Variants in ASIC2 observed in about 807,000 individuals in gnomAD.
ASIC2 encodes acid sensing ion channel subunit 2.
In ASIC2, 25 loss-of-function variants were observed where a neutral mutation model predicts 57.3. The observed-to-expected ratio is 0.44, with a 90% confidence interval of 0.32 to 0.61. The LOEUF (loss-of-function observed/expected upper bound fraction) is 0.61. Among genes scored for constraint, ASIC2 ranks in the 20% least tolerant of loss-of-function variants. The probability of loss-of-function intolerance (pLI) is 0.06; values close to 1 mark genes in which losing one functional copy is unlikely to be tolerated. For missense variants in ASIC2, 641 were observed against 738.1 expected (o/e 0.87, Z 1.52); for synonymous variants, 319 against 307.5 (o/e 1.04, Z -0.39).
At chr17:34,052,102 C>CTCAT (rs1167242121) in intron 1 of ASIC2, among the ~76,000 whole-genome samples, 3 of 152,220 alleles carry the variant, frequency 2.0e-5, no homozygotes, top group Non-Finnish European at 2.9e-5. Context: ...CATCCATCCA[C>CTCAT]TCATTCATTC....
chr17:33,295,524 A>G (rs1049748998), upstream of ASIC2, among the ~76,000 whole-genome samples: 1 of 152,190 alleles, frequency 6.6e-6, no homozygotes, highest in East Asian at 1.9e-4. Context: ...TCTCCCAGAC[A>G]AACTTGGGTC....
chr17:33,093,428 AAGAGAGAG>A (rs58579661), intron 2 of ASIC2, among the ~76,000 whole-genome samples: 4 of 149,032 alleles, frequency 2.7e-5, no homozygotes, highest in Non-Finnish European at 4.5e-5. Flanking sequence ...CAAGGACAGA[AAGAGAGAG>A]AGAGAGAGAG....
chr17:33,551,822 T>C (rs929184782), intron 1 of ASIC2, among the ~76,000 whole-genome samples: 1 of 152,226 alleles, frequency 6.6e-6, no homozygotes, highest in Non-Finnish European at 1.5e-5. Flanking sequence ...GCAGGTGCGA[T>C]GCCACTCACC....
chr17:34,139,479 A>T (rs2142135013), intron 1 of ASIC2, among the ~76,000 whole-genome samples: 1 of 152,350 alleles, frequency 6.6e-6, no homozygotes, highest in Non-Finnish European at 1.5e-5. Flanking sequence ...AAATGACTCA[A>T]ATGCCCACTA....
At chr17:33,072,987 T>C (rs930287662) in intron 3 of ASIC2, among the ~76,000 whole-genome samples, 3 of 152,228 alleles carry the variant, frequency 2.0e-5, no homozygotes, top group African/African-American at 7.2e-5. Flanking sequence ...CACAATGCTG[T>C]ATTTTTCTGA....
At chr17:33,958,288 C>T (rs1904806378) in intron 1 of ASIC2, among the ~76,000 whole-genome samples, 1 of 152,210 alleles carries the variant, frequency 6.6e-6, no homozygotes, top group Admixed American at 6.5e-5. Context: ...TGGTCCTCTT[C>T]TCACAGCTCC....
intron 1 of ASIC2, chr17:33,112,893 C>A (rs1002430967): frequency 6.6e-6 from 1 of 151,680 alleles, no homozygotes. Context: ...GATCCCTACG[C>A]TCTTTAGGCT....
At chr17:33,436,328 C>G (rs531706272) in intron 1 of ASIC2, among the ~76,000 whole-genome samples, 3 of 152,216 alleles carry the variant, frequency 2.0e-5, no homozygotes, top group African/African-American at 7.2e-5. Flanking sequence ...TAAACTCTTG[C>G]TGCTCAGGAG....
In ASIC2 at chr17:33,293,136, GA is replaced by G; in HGVS notation, c.-1022del. On this transcript the variant is annotated 5_prime_UTR_variant, in exon 1 of 10. Coordinates refer to ENST00000225823, the MANE Select transcript of ASIC2 (RefSeq NM_183377.2). ...GCTCCGCGCGCCCTTCTCCTCTCGA[GA>G]CTCCGAGCTCGCGGTGGCCGTGACG... 1.4e-6 allele frequency: 1 copy of G among 739,324 alleles called. No individual in the cohort carries two copies. Among genetic ancestry groups the G allele is most frequent in the African/African-American group, 1.9e-5 (1 of 52,330 alleles). 45.8% of individuals were successfully genotyped at this position (739,324 alleles called of 1,614,324 possible). A position where few individuals can be genotyped will look rare whatever the true frequency, so the allele number is the denominator to read the frequency against.
chr17:33,266,897 G>A (rs1343515811), intron 1 of ASIC2, among the ~76,000 whole-genome samples: 2 of 152,170 alleles, frequency 1.3e-5, no homozygotes, highest in Non-Finnish European at 2.9e-5. Flanking sequence ...GCAGAGTGAG[G>A]TGGGGTGCTT....
At chr17:33,230,799 G>T (rs759969003) in intron 1 of ASIC2, among the ~76,000 whole-genome samples, 9 of 152,184 alleles carry the variant, frequency 5.9e-5, no homozygotes, top group Non-Finnish European at 1.0e-4. Context: ...TTCCAAGGAG[G>T]CAGGCCCATC....
intron 1 of ASIC2, among the ~76,000 whole-genome samples, chr17:33,632,273 G>A (rs1906198640): frequency 6.6e-6 from 1 of 152,166 alleles, no homozygotes. Flanking sequence ...TCTAATGTTA[G>A]TGAAATAATT....
At chr17:33,274,242 C>T (rs190821473) in intron 1 of ASIC2, among the ~76,000 whole-genome samples, 9 of 152,334 alleles carry the variant, frequency 5.9e-5, no homozygotes, top group African/African-American at 2.2e-4. Flanking sequence ...AACCAGGCAG[C>T]ATTGTGAAAC....
intron 4 of ASIC2, 47 bp from the exon 5 acceptor site, chr17:33,026,029 A>T: frequency 6.2e-7 from 1 of 1,600,636 alleles, no homozygotes; most frequent in South Asian, 1.1e-5. Context: ...AGGAACATTC[A>T]TGTCAGCAAC....
At chr17:33,884,921 C>A (rs149806194) in intron 1 of ASIC2, among the ~76,000 whole-genome samples, 1 of 152,082 alleles carries the variant, frequency 6.6e-6, no homozygotes, top group Non-Finnish European at 1.5e-5. Context: ...TGGGGAGTTC[C>A]GACAAAGTGT....
chr17:33,799,447 T>TTTC (rs1555562534), intron 1 of ASIC2, among the ~76,000 whole-genome samples: 881 of 87,762 alleles, frequency 0.01, 3 homozygotes, highest in Non-Finnish European at 0.012. Flanking sequence ...TCTTTCTTTC[T>TTTC]TTCTTTCTTT....
intron 1 of ASIC2, among the ~76,000 whole-genome samples, chr17:33,113,452 C>G (rs2092267888): frequency 6.6e-6 from 1 of 152,196 alleles, no homozygotes; most frequent in Non-Finnish European, 1.5e-5. Context: ...GAGAGCCAGG[C>G]TGACTGTATT....
chr17:33,322,344 G>A (rs943610072), intron 1 of ASIC2, among the ~76,000 whole-genome samples: 6 of 152,118 alleles, frequency 3.9e-5, no homozygotes, highest in South Asian at 2.1e-4. Flanking sequence ...AAATCCAGCC[G>A]AATGAGAGCC....
chr17:33,049,591 G>A (rs1359535000), intron 3 of ASIC2, among the ~76,000 whole-genome samples: 1 of 152,120 alleles, frequency 6.6e-6, no homozygotes, highest in Non-Finnish European at 1.5e-5. Context: ...ATTGCAAACG[G>A]CTCAGTACAG....
Sources: allele counts gnomAD v4.1 joint callset (sites outside exome capture counted in the v4.1 genomes callset), GRCh38; gene constraint gnomAD v4.1.1; transcripts MANE v1.5; gene names NCBI Gene and HGNC (gene_info 2026-07-23, HGNC 2026-07-21).